DLGAP4: variants seen among roughly 807,000 people sequenced by gnomAD.
DLGAP4 encodes the protein disks large-associated protein 4.
In DLGAP4, 18 loss-of-function variants were observed where a neutral mutation model predicts 86.9. That is an observed-to-expected ratio of 0.21 (90% confidence interval 0.14 to 0.31). The LOEUF (loss-of-function observed/expected upper bound fraction) is 0.31. DLGAP4 is among the 10% of genes least tolerant of loss of function. DLGAP4 has a pLI of 1.00. For synonymous variants in DLGAP4, 548 were observed against 574.3 expected, an observed-to-expected ratio of 0.95 and a Z score of 0.65; for missense variants, 1,085 against 1,362.6, an observed-to-expected ratio of 0.80 and a Z score of 3.21.
At position 36,436,391 on chromosome 20, in the gene DLGAP4, A is replaced by T. The variant is rs377672729; in HGVS notation, c.1241+41A>T. The T allele has an allele frequency of 3.9e-6, 6 of 1,541,050 alleles. No homozygotes were observed. The African/African-American group carries it at 8.2e-5, about 21-fold the overall frequency. On this transcript the variant is annotated intron_variant, in intron 4 of 12. Transcript: ENST00000339266. ...CACCCTTACGGTCCCGCCCAGAGGC[A>T]AGCCCCGCCCACTACGAGTCTTGCT...
intron 8 of DLGAP4, chr20:36,499,142 C>A: frequency 8.2e-7 from 1 of 1,216,530 alleles, no homozygotes; most frequent in Non-Finnish European, 1.2e-6. Flanking sequence ...CAGCCGCCAG[C>A]TTCAACTACA....
chr20:36,312,316 G>C (rs1367732729), intron 1 of DLGAP4, among the ~76,000 whole-genome samples: 1 of 152,120 alleles, frequency 6.6e-6, no homozygotes, highest in Non-Finnish European at 1.5e-5. Context: ...TCATGGAAAA[G>C]GTAGAGCCCT....
chr20:36,348,686 G>A (rs2030027244), intron 1 of DLGAP4, among the ~76,000 whole-genome samples: 1 of 152,042 alleles, frequency 6.6e-6, no homozygotes, highest in African/African-American at 2.4e-5. Context: ...CAAAGTGCTG[G>A]GATTACAGGT....
At chr20:36,430,414 G>A (rs766734673) in intron 2 of DLGAP4, among the ~76,000 whole-genome samples, 3 of 152,170 alleles carry the variant, frequency 2.0e-5, no homozygotes, top group Admixed American at 6.5e-5. Flanking sequence ...GGCAGAGCAG[G>A]TTTTTGCAGA....
chr20:36,520,996 C>T (rs561689933), intron 10 of DLGAP4, among the ~76,000 whole-genome samples: 1 of 152,276 alleles, frequency 6.6e-6, no homozygotes, highest in Non-Finnish European at 1.5e-5. Flanking sequence ...CCAAGCCCGG[C>T]TAATTTTAGT....
intron 10 of DLGAP4, among the ~76,000 whole-genome samples, chr20:36,521,044 G>A (rs544347547): frequency 6.6e-6 from 1 of 152,260 alleles, no homozygotes; most frequent in Non-Finnish European, 1.5e-5. Context: ...TGTTGACCAG[G>A]CTGGTCTTGA....
At chr20:36,375,283 T>C (rs2031108113) in intron 2 of DLGAP4, among the ~76,000 whole-genome samples, 1 of 152,206 alleles carries the variant, frequency 6.6e-6, no homozygotes, top group Admixed American at 6.5e-5. Flanking sequence ...TGCCAGATCA[T>C]CCCCTGATTC....
chr20:36,320,915 C>T (rs1363993768), intron 1 of DLGAP4, among the ~76,000 whole-genome samples: 2 of 152,230 alleles, frequency 1.3e-5, no homozygotes, highest in African/African-American at 2.4e-5. Flanking sequence ...ATCCCCGAAC[C>T]CTCCTGTACC....
At chr20:36,489,493 G>A (rs1366168979) in intron 7 of DLGAP4, among the ~76,000 whole-genome samples, 1 of 152,062 alleles carries the variant, frequency 6.6e-6, no homozygotes, top group African/African-American at 2.4e-5. Flanking sequence ...GTTTGGGTCC[G>A]AGGTAGATGC....
In DLGAP4 at chr20:36,522,944, C is replaced by T. The variant is rs1040283430; in HGVS notation, c.2513-1306C>T. Among the ~76,000 whole-genome samples, 10 of 152,284 alleles carry T rather than the reference C, an allele frequency of 6.6e-5. No individual in the cohort carries two copies. In the Middle Eastern group the frequency reaches 0.01, roughly 155 times the overall value. ...TCATCACAGCTCACTGCAGCCTCAA[C>T]CTACCTAGTTCAAGTGATCCTCCCA... On this transcript the variant is annotated intron_variant, in intron 10 of 12. Coordinates refer to ENST00000339266, the MANE Select transcript of DLGAP4 (RefSeq NM_001365621.2).
intron 7 of DLGAP4, among the ~76,000 whole-genome samples, chr20:36,476,127 G>A (rs138158401): frequency 6.6e-6 from 1 of 151,854 alleles, no homozygotes; most frequent in Admixed American, 6.6e-5. Context: ...CCAAAGTGCT[G>A]GGATTACACA....
intron 8 of DLGAP4, chr20:36,499,175 T>G: frequency 7.0e-7 from 1 of 1,435,908 alleles, no homozygotes; most frequent in Non-Finnish European, 9.6e-7. Context: ...TGTGGCTTTG[T>G]GTGTGTGTGT....
At chr20:36,332,702 C>CCATT (rs1490951433) in intron 1 of DLGAP4, among the ~76,000 whole-genome samples, 1 of 152,092 alleles carries the variant, frequency 6.6e-6, no homozygotes, top group African/African-American at 2.4e-5. Flanking sequence ...GGAGGTGCCC[C>CCATT]CATTTCACAG....
At position 36,306,685 on chromosome 20, in the gene DLGAP4, G is replaced by A. The variant is rs1232161065; in HGVS notation, c.-304+173G>A. Among the ~76,000 whole-genome samples, 7 of 152,122 alleles carry A rather than the reference G, an allele frequency of 4.6e-5. No individual in the cohort carries two copies. Among genetic ancestry groups the A allele is most frequent in the African/African-American group, 1.7e-4 (7 of 41,428 alleles). ...CCTGCCAGTTCTGTCTTCCGATCCC[G>A]GGTCCGAGGGGCCGGCTGTGCGGCT... On this transcript the variant is annotated intron_variant, in intron 1 of 12. Coordinates refer to ENST00000339266, the MANE Select transcript of DLGAP4 (RefSeq NM_001365621.2). The surrounding 1 kb of genome is among the most constrained non-coding windows in gnomAD (Gnocchi z 4.9).
intron 7 of DLGAP4, among the ~76,000 whole-genome samples, chr20:36,449,501 A>C (rs1569503262): frequency 6.6e-6 from 1 of 152,124 alleles, no homozygotes; most frequent in Non-Finnish European, 1.5e-5. Flanking sequence ...TCCACCTTCA[A>C]GGTCTCCAAA....
intron 7 of DLGAP4, among the ~76,000 whole-genome samples, chr20:36,450,586 C>G (rs2033712008): frequency 6.6e-6 from 1 of 152,150 alleles, no homozygotes; most frequent in Non-Finnish European, 1.5e-5. Context: ...AGGTAGAAAA[C>G]TTTTATTCCC....
chr20:36,362,164 G>A (rs1346911286), intron 1 of DLGAP4, among the ~76,000 whole-genome samples: 2 of 151,310 alleles, frequency 1.3e-5, no homozygotes, highest in Non-Finnish European at 2.9e-5. Context: ...GGAGGCTGAG[G>A]CACAAGAATT....
intron 1 of DLGAP4, among the ~76,000 whole-genome samples, chr20:36,317,980 G>A (rs904271712): frequency 7.2e-5 from 11 of 151,730 alleles, no homozygotes; most frequent in Non-Finnish European, 1.2e-4. Flanking sequence ...CTCTGAAGCC[G>A]GCCCTGGTTC....
chr20:36,481,087 C>T (rs1001106660), intron 7 of DLGAP4, among the ~76,000 whole-genome samples: 1 of 152,168 alleles, frequency 6.6e-6, no homozygotes, highest in East Asian at 1.9e-4. Context: ...AGTAGAAGGG[C>T]AAAGAGCGTC....
Sources: gnomAD v4.1 joint callset for allele counts (sites outside exome capture counted in the v4.1 genomes callset) on GRCh38, gnomAD v4.1.1 for gene constraint, Gnocchi (gnomAD v3.1) non-coding constraint, MANE v1.5 for transcripts, NCBI Gene and HGNC (gene_info 2026-07-23, HGNC 2026-07-21) for gene names.